Variants in TRAPPC9 observed in about 807,000 individuals in gnomAD.
TRAPPC9 encodes the protein IKK2 binding protein.
Under a neutral mutation model 124.0 loss-of-function variants are expected in TRAPPC9, and 83 were observed. That is an observed-to-expected ratio of 0.67 (90% confidence interval 0.56 to 0.80). The LOEUF (loss-of-function observed/expected upper bound fraction) is 0.80, where lower values mean the gene tolerates loss of function less well. Among genes scored for constraint, TRAPPC9 ranks in the 30% least tolerant of loss-of-function variants. TRAPPC9 has a pLI of 0.00. For missense variants in TRAPPC9, 1,302 were observed against 1,508.3 expected (o/e 0.86, Z 2.27); for synonymous variants, 638 against 617.5 (o/e 1.03, Z -0.49).
intron 2 of TRAPPC9, among the ~76,000 whole-genome samples, chr8:140,446,531 G>A (rs958449711): frequency 6.6e-6 from 1 of 152,080 alleles, no homozygotes; most frequent in African/African-American, 2.4e-5. Flanking sequence ...CCTCATAAGG[G>A]GCGCAAAAGA....
intron 19 of TRAPPC9, among the ~76,000 whole-genome samples, chr8:139,945,101 G>A (rs1834125608): frequency 6.6e-6 from 1 of 152,170 alleles, no homozygotes; most frequent in South Asian, 2.1e-4. Flanking sequence ...TCCAGCCTAT[G>A]CAACAGAGTG....
intron 21 of TRAPPC9, among the ~76,000 whole-genome samples, chr8:139,764,476 T>A (rs193283531): frequency 6.6e-6 from 1 of 152,190 alleles, no homozygotes; most frequent in Non-Finnish European, 1.5e-5. Context: ...TCAACCATCA[T>A]CCAGGACATG....
At chr8:140,093,242 C>T (rs1286830185) in intron 17 of TRAPPC9, among the ~76,000 whole-genome samples, 1 of 152,164 alleles carries the variant, frequency 6.6e-6, no homozygotes. Flanking sequence ...GCATCCTGTG[C>T]AGGAAGTTGC....
intron 17 of TRAPPC9, among the ~76,000 whole-genome samples, chr8:140,090,901 GA>G (rs1330031920): frequency 2.0e-5 from 3 of 152,224 alleles, no homozygotes; most frequent in African/African-American, 7.2e-5. Flanking sequence ...GCTTCTGGGT[GA>G]TACGTCTTAG....
At chr8:139,865,973 C>T (rs1026535490) in intron 21 of TRAPPC9, among the ~76,000 whole-genome samples, 5 of 151,862 alleles carry the variant, frequency 3.3e-5, no homozygotes, top group African/African-American at 7.3e-5. Context: ...AGAAATACAT[C>T]GGTTCGGTCC....
intron 9 of TRAPPC9, among the ~76,000 whole-genome samples, chr8:140,336,554 G>T (rs2067045969): frequency 6.6e-6 from 1 of 152,204 alleles, no homozygotes; most frequent in Non-Finnish European, 1.5e-5. Context: ...CAAGGCCCCA[G>T]TAACGCACAC....
At chr8:139,990,424 G>C (rs895492925) in intron 18 of TRAPPC9, among the ~76,000 whole-genome samples, 2 of 152,302 alleles carry the variant, frequency 1.3e-5, no homozygotes, top group Admixed American at 1.3e-4. Context: ...AGGGGGTAGA[G>C]TGACAGGCCC....
chr8:140,052,704 C>G (rs1842071137), intron 17 of TRAPPC9, among the ~76,000 whole-genome samples: 1 of 152,042 alleles, frequency 6.6e-6, no homozygotes, highest in Non-Finnish European at 1.5e-5. Flanking sequence ...ATTGCTTGAA[C>G]CCGGGAAGCA....
chr8:140,349,792 C>T (rs1249910745), intron 9 of TRAPPC9, among the ~76,000 whole-genome samples: 5 of 152,132 alleles, frequency 3.3e-5, no homozygotes, highest in South Asian at 2.1e-4. Flanking sequence ...AGAATAGGGG[C>T]GGGAATTGGG....
At chr8:140,277,919 C>T (rs1463817275) in intron 14 of TRAPPC9, among the ~76,000 whole-genome samples, 1 of 152,176 alleles carries the variant, frequency 6.6e-6, no homozygotes, top group Non-Finnish European at 1.5e-5. Flanking sequence ...AAGGAGATGG[C>T]CCCTCATATG....
chr8:140,258,808 G>A (rs1165518510), intron 15 of TRAPPC9, among the ~76,000 whole-genome samples: 1 of 152,238 alleles, frequency 6.6e-6, no homozygotes. Context: ...CAGGGCCCAA[G>A]GCCTCAAGAA....
At chr8:139,867,025 G>A (rs1828590880) in intron 21 of TRAPPC9, among the ~76,000 whole-genome samples, 1 of 152,130 alleles carries the variant, frequency 6.6e-6, no homozygotes, top group African/African-American at 2.4e-5. Context: ...AGTAGAGATG[G>A]GGTTTCACCA....
intron 9 of TRAPPC9, among the ~76,000 whole-genome samples, chr8:140,342,985 A>C (rs1032472458): frequency 6.6e-6 from 1 of 152,224 alleles, no homozygotes; most frequent in South Asian, 2.1e-4. Context: ...TTAGTCTGTT[A>C]ATCTATACAA....
chr8:140,122,023 T>TTCTTTCTC (rs776733761), intron 17 of TRAPPC9, among the ~76,000 whole-genome samples: 99 of 138,534 alleles, frequency 7.1e-4, no homozygotes, highest in African/African-American at 2.6e-3. Flanking sequence ...CTTTCTTTCT[T>TTCTTTCTC]TCTCTCTCTC....
chr8:140,008,856 C>G (rs1838934227), intron 18 of TRAPPC9, among the ~76,000 whole-genome samples: 1 of 152,190 alleles, frequency 6.6e-6, no homozygotes, highest in South Asian at 2.1e-4. Flanking sequence ...AATATCCCAG[C>G]CACAGACCTG....
intron 17 of TRAPPC9, among the ~76,000 whole-genome samples, chr8:140,146,181 A>G (rs980853976): frequency 2.6e-5 from 4 of 152,390 alleles, no homozygotes; most frequent in Middle Eastern, 6.8e-3. Flanking sequence ...TGGAAATGTT[A>G]TATATCTAAG....
At chr8:140,006,941 T>C (rs1838798010) in intron 18 of TRAPPC9, among the ~76,000 whole-genome samples, 1 of 152,194 alleles carries the variant, frequency 6.6e-6, no homozygotes, top group Non-Finnish European at 1.5e-5. Flanking sequence ...TACTAAAACG[T>C]TGAATTATAC....
At chr8:139,839,796 G>C (rs565654378) in intron 21 of TRAPPC9, among the ~76,000 whole-genome samples, 1 of 152,172 alleles carries the variant, frequency 6.6e-6, no homozygotes, top group Non-Finnish European at 1.5e-5. Context: ...TCCAAAGGGA[G>C]AGTGGGCATG....
At chr8:139,909,211 C>T (rs1022301652) in intron 20 of TRAPPC9, among the ~76,000 whole-genome samples, 5 of 152,198 alleles carry the variant, frequency 3.3e-5, no homozygotes, top group Non-Finnish European at 7.3e-5. Flanking sequence ...AGATCATTAA[C>T]AGACATTCCC....
Sources: gnomAD v4.1 joint callset for allele counts (sites outside exome capture counted in the v4.1 genomes callset) on GRCh38, gnomAD v4.1.1 for gene constraint, MANE v1.5 for transcripts, NCBI Gene and HGNC (gene_info 2026-07-23, HGNC 2026-07-21) for gene names.